The following PHF20L1 variants were observed in gnomAD, a reference collection of about 807,000 sequenced individuals.
PHF20L1 encodes the protein PHD finger protein 20-like protein 1.
Under a neutral mutation model 125.5 loss-of-function variants are expected in PHF20L1, and 44 were observed. The observed-to-expected ratio is 0.35, with a 90% CI of 0.28 to 0.45. The LOEUF (loss-of-function observed/expected upper bound fraction) is 0.45. Among genes scored for constraint, PHF20L1 ranks in the 20% least tolerant of loss-of-function variants. The probability of loss-of-function intolerance (pLI) is 1.00; values close to 1 mark genes in which losing one functional copy is unlikely to be tolerated. For missense variants in PHF20L1, 1,012 were observed against 1,217.2 expected, an observed-to-expected ratio of 0.83 and a Z score of 2.51; for synonymous variants, 380 against 403.1, an observed-to-expected ratio of 0.94 and a Z score of 0.69.
In PHF20L1 at chr8:132,811,240, C is replaced by A. The variant is rs535445702; in HGVS notation, c.930+112C>A. ...TTTGATCAGATATGGGAATAGGAAG[C>A]TAATTAATTGATGATATATTTTTAA... On this transcript the variant is annotated intron_variant, in intron 9 of 20. Transcript: ENST00000395386. 26 of 1,499,160 alleles carry A rather than the reference C, an allele frequency of 1.7e-5. 1 individual carries two copies. The South Asian group carries it at 1.8e-4, about 10-fold the overall frequency. 92.9% of individuals were successfully genotyped at this position (1,499,160 alleles called of 1,614,324 possible).
At chr8:132,779,905 A>G (rs1830233904) in intron 2 of PHF20L1, among the ~76,000 whole-genome samples, 1 of 152,140 alleles carries the variant, frequency 6.6e-6, no homozygotes. Context: ...TGTCATGCAA[A>G]TGTACTCACT....
At chr8:132,775,729 T>G (rs1829616350) in intron 1 of PHF20L1, 84 bp downstream of exon 1, 4 of 290,638 alleles carry the variant, frequency 1.4e-5, no homozygotes, top group Admixed American at 5.2e-5. Context: ...TGTCTCTCTT[T>G]CCGGCCCGCT....
chr8:132,787,072 C>T (rs904098141), intron 2 of PHF20L1, among the ~76,000 whole-genome samples: 5 of 151,504 alleles, frequency 3.3e-5, no homozygotes, highest in Non-Finnish European at 5.9e-5. Context: ...GTATGAAGTT[C>T]GTAAACTTTG....
intron 2 of PHF20L1, among the ~76,000 whole-genome samples, chr8:132,783,456 A>T (rs1830663125): frequency 6.6e-6 from 1 of 152,198 alleles, no homozygotes; most frequent in African/African-American, 2.4e-5. Flanking sequence ...AATTTAAATA[A>T]AATTATACAT....
At position 132,810,952 on chromosome 8, in the gene PHF20L1, T is replaced by C. The variant is rs529255591; in HGVS notation, c.848-94T>C. Reference sequence around the variant, plus strand: ...ATTACTTCCTACGTATTAAAAAGTATAGGAAATTTCAACTGCTAAGATTTT... The same window carrying C: ...ATTACTTCCTACGTATTAAAAAGTACAGGAAATTTCAACTGCTAAGATTTT... On this transcript the variant is annotated intron_variant, in intron 8 of 20. Coordinates refer to ENST00000395386, the MANE Select transcript of PHF20L1 (RefSeq NM_016018.5). 1,058 of 783,492 alleles carry C rather than the reference T, an allele frequency of 1.4e-3. 4 individuals are homozygous for C. Among genetic ancestry groups the C allele is most frequent in the Non-Finnish European group, 1.2e-3 (531 of 432,258 alleles). The allele number at this position is 783,492 out of a possible 1,614,324, so 48.5% of individuals were successfully genotyped here. A position where few individuals can be genotyped will look rare whatever the true frequency, so the allele number is the denominator to read the frequency against.
chr8:132,776,849 A>G (rs982914531), intron 1 of PHF20L1, among the ~76,000 whole-genome samples: 7 of 152,218 alleles, frequency 4.6e-5, no homozygotes, highest in Non-Finnish European at 1.0e-4. Context: ...CAATCAATTT[A>G]CATTCTTAAT....
intron 1 of PHF20L1, 36 bp downstream of exon 1, chr8:132,775,681 T>TGGCCCCCG (rs894981309): frequency 1.4e-4 from 47 of 329,020 alleles, no homozygotes; most frequent in Non-Finnish European, 2.1e-4. Flanking sequence ...GCAGGCCGCC[T>TGGCCCCCG]GGCCCCCGCC....
intron 19 of PHF20L1, chr8:132,843,143 C>G: frequency 9.0e-7 from 1 of 1,108,394 alleles, no homozygotes; most frequent in Non-Finnish European, 1.1e-6. Context: ...TTCGATGCTT[C>G]TAAAAAATGA....
intron 1 of PHF20L1, among the ~76,000 whole-genome samples, chr8:132,776,100 C>T (rs995594295): frequency 4.6e-5 from 7 of 152,216 alleles, no homozygotes; most frequent in African/African-American, 1.7e-4. Flanking sequence ...TTACTCCTCT[C>T]CGTGCTTTCT....
intron 2 of PHF20L1, among the ~76,000 whole-genome samples, chr8:132,789,359 T>A (rs1033714082): frequency 5.3e-5 from 8 of 152,020 alleles, no homozygotes; most frequent in African/African-American, 1.9e-4. Flanking sequence ...GTGAAAAAAA[T>A]TTTATTCTTG....
At chr8:132,819,319 TTTAA>T (rs1399782502) in intron 12 of PHF20L1, among the ~76,000 whole-genome samples, 2 of 151,936 alleles carry the variant, frequency 1.3e-5, no homozygotes, top group South Asian at 2.1e-4. Context: ...AGCTGTCAAC[TTTAA>T]TTGATTATAG....
chr8:132,839,551 C>T lies in PHF20L1; in HGVS notation c.2356C>T (p.His786Tyr). The T allele has an allele frequency of 6.2e-7, 1 of 1,613,338 alleles. No individual in the cohort carries two copies. The highest frequency in any genetic ancestry group is 8.5e-7 in the Non-Finnish European group (1 of 1,179,498). The change falls in exon 18 of 21, where the codon CAC (histidine) becomes TAC (tyrosine). Residue 786 changes from histidine to tyrosine, a missense_variant. This residue lies in a region of PHF20L1 where 277 missense variants were observed against 283.6 expected (regional missense o/e 0.98). Coordinates refer to ENST00000395386, the MANE Select transcript of PHF20L1 (RefSeq NM_016018.5). ...TGTCTATGGTGTTACAGAAGTGCTA[C>T]ACGGGCTACAGCTGAAGATTGGAAT... is the stretch of plus-strand genomic sequence containing the variant. ...ADVYGVTEVLHGLQLKIGILK... is the reference protein window; with the variant it reads ...ADVYGVTEVLYGLQLKIGILK...
At chr8:132,799,027 T>C in intron 5 of PHF20L1, 68 bp from the exon 6 acceptor site, 2 of 1,376,194 alleles carry the variant, frequency 1.5e-6, no homozygotes, top group South Asian at 1.2e-5. Flanking sequence ...TAAAATAAAT[T>C]ATACATTTGA....
Position 132,827,159 on chromosome 8 carries a change from AC to A in PHF20L1, c.1744+1795del, listed in dbSNP as rs368215730. Among the ~76,000 whole-genome samples the A allele has an allele frequency of 1.0e-4, 15 of 144,068 alleles. No individual in the cohort carries two copies. The South Asian group carries it at 2.2e-3, about 21-fold the overall frequency. 94.5% of individuals were successfully genotyped at this position (144,068 alleles called of 152,430 possible). A position where few individuals can be genotyped will look rare whatever the true frequency, so the allele number is the denominator to read the frequency against. On this transcript the variant is annotated intron_variant, in intron 14 of 20. Transcript: ENST00000395386. ...CGCCTCACTCCTTTCCCTCCTGCCC[AC>A]CCCCCCATCACCTCTTCATATGTAA...
intron 8 of PHF20L1, chr8:132,806,826 G>C (rs1196396185): frequency 6.6e-6 from 1 of 151,970 alleles, no homozygotes; most frequent in Non-Finnish European, 1.5e-5. Flanking sequence ...TTGGGGCTGG[G>C]ATCATGGCAG....
chr8:132,836,678 G>C lies in PHF20L1; in HGVS notation c.2048G>C (p.Arg683Pro). The C allele has an allele frequency of 6.2e-7, 1 of 1,613,142 alleles. No individual in the cohort carries two copies. Among genetic ancestry groups the C allele is most frequent in the Non-Finnish European group, 8.5e-7 (1 of 1,179,424 alleles). ...GATGATGCTCTTAATGAAATTGTGC[G>C]ATGTATTTGTGAGATGGATGAGGAG... is the stretch of plus-strand genomic sequence containing the variant. ...DEDDALNEIV[R>P]CICEMDEENG... The change falls in exon 16 of 21, where the codon CGA becomes CCA. Residue 683 changes from arginine (R) to proline (P), a missense_variant. Coordinates refer to ENST00000395386, the MANE Select transcript of PHF20L1 (RefSeq NM_016018.5).
At position 132,842,541 on chromosome 8, in the gene PHF20L1, T is replaced by C. The variant is rs1356440036; in HGVS notation, c.2414T>C (p.Leu805Pro). The change falls in exon 19 of 21, where the codon CTC (leucine) becomes CCC (proline). Residue 805 changes from leucine (L) to proline (P), a missense_variant. This residue lies in a region of PHF20L1 where 277 missense variants were observed against 283.6 expected (regional missense o/e 0.98). Coordinates refer to ENST00000395386, the MANE Select transcript of PHF20L1 (RefSeq NM_016018.5). ...AATAAACATCATCCTGACCTTCATC[T>C]CTGGGCTTGTTCCGGGAAGCGAAAA... is the stretch of plus-strand genomic sequence containing the variant. Reference protein sequence around the residue: ...LKNKHHPDLHLWACSGKRKDQ... With the variant: ...LKNKHHPDLHPWACSGKRKDQ... 1.2e-6 allele frequency: 2 copies of C among 1,609,482 alleles called. No homozygotes were observed. Among genetic ancestry groups the C allele is most frequent in the Non-Finnish European group, 1.7e-6 (2 of 1,178,656 alleles).
At chr8:132,823,955 C>T (rs776393128) in intron 12 of PHF20L1, 49 bp from the exon 13 acceptor site, 3 of 1,114,794 alleles carry the variant, frequency 2.7e-6, no homozygotes, top group Non-Finnish European at 4.0e-6. Context: ...TTGTCCCATA[C>T]TTTTAAGTTT....
At chr8:132,807,705 A>C (rs568441424) in intron 8 of PHF20L1, 825 of 455,222 alleles carry the variant, frequency 1.8e-3, no homozygotes, top group Non-Finnish European at 2.6e-3. Context: ...GCTCTGTTCT[A>C]CTTATTCGTA....
Sources: gnomAD v4.1 joint callset for allele counts (sites outside exome capture counted in the v4.1 genomes callset) on GRCh38, gnomAD v4.1.1 for gene constraint, gnomAD v4.1.1 regional missense constraint, MANE v1.5 for transcripts, NCBI Gene and HGNC (gene_info 2026-07-23, HGNC 2026-07-21) for gene names.